The following PDE11A variants were observed in gnomAD, a reference collection of about 807,000 sequenced individuals.
The protein encoded by PDE11A is phosphodiesterase 11A.
PDE11A carries 100 observed loss-of-function variants against 100.5 expected under a neutral mutation model. The ratio of observed to expected loss-of-function variants is 1.00; its 90% confidence interval spans 0.85 to 1.18. The LOEUF (loss-of-function observed/expected upper bound fraction) is 1.18, where lower values mean the gene tolerates loss of function less well. Among genes scored for constraint, PDE11A ranks in the 50% most tolerant of loss-of-function variants. PDE11A has a pLI of 0.00. For synonymous variants in PDE11A, 381 were observed against 420.8 expected, an observed-to-expected ratio of 0.91 and a Z score of 1.16; for missense variants, 1,141 against 1,152.6, an observed-to-expected ratio of 0.99 and a Z score of 0.15.
Position 177,779,041 on chromosome 2 carries a change from A to G in PDE11A, c.1738-9668T>C, listed in dbSNP as rs1310645636. Among the ~76,000 whole-genome samples the G allele has an allele frequency of 3.3e-5, 5 of 152,316 alleles. No individual in the cohort carries two copies. The South Asian group carries it at 8.3e-4, about 25-fold the overall frequency. ...ATACAGGCATACCTCAGAGATATTG[A>G]GAGTTTGGTTCCAGACGACCTCAAT... On this transcript the variant is annotated intron_variant, in intron 9 of 19. Coordinates refer to ENST00000286063, the MANE Select transcript of PDE11A (RefSeq NM_016953.4).
chr2:177,882,641 T>C (rs1242209913), intron 4 of PDE11A, among the ~76,000 whole-genome samples: 2 of 152,128 alleles, frequency 1.3e-5, no homozygotes, highest in Admixed American at 6.5e-5. Flanking sequence ...AACAACTGGT[T>C]TCAAGCTTCC....
intron 2 of PDE11A, among the ~76,000 whole-genome samples, chr2:177,914,670 G>A (rs546114386): frequency 2.0e-5 from 3 of 152,254 alleles, no homozygotes; most frequent in Admixed American, 2.0e-4. Flanking sequence ...CTTAGTCAAG[G>A]TGTCAAGGTA....
chr2:178,051,328 G>A (rs542668255), intron 1 of PDE11A, among the ~76,000 whole-genome samples: 1 of 152,268 alleles, frequency 6.6e-6, no homozygotes, highest in Admixed American at 6.5e-5. Flanking sequence ...TCAACACCAG[G>A]CCTGCCTTAC....
In PDE11A at chr2:178,072,128, C is replaced by CG; in HGVS notation, c.309dup (p.Gly104ArgfsTer36). 1 of 1,613,706 alleles carries CG rather than the reference C, an allele frequency of 6.2e-7. No individual in the cohort carries two copies. The highest frequency in any genetic ancestry group is 1.7e-5 in the Admixed American group (1 of 60,022). On this transcript the variant is annotated frameshift_variant, in exon 1 of 20. Coordinates refer to ENST00000286063, the MANE Select transcript of PDE11A (RefSeq NM_016953.4). LOFTEE classifies it high-confidence loss of function. ...AGGTTCCCATCGCCCCTGCTGCCACCGGCCCAGCTGGGACTCAAGGGAACC... is the reference window on the plus strand; with the variant it reads ...AGGTTCCCATCGCCCCTGCTGCCACCGGGCCCAGCTGGGACTCAAGGGAACC...
At chr2:178,070,026 G>A (rs1179751847) in intron 1 of PDE11A, among the ~76,000 whole-genome samples, 1 of 152,122 alleles carries the variant, frequency 6.6e-6, no homozygotes, top group Non-Finnish European at 1.5e-5. Context: ...AGAAGAAAAT[G>A]TGTGATTGTT....
At chr2:178,030,628 C>A (rs1026704868) in intron 1 of PDE11A, among the ~76,000 whole-genome samples, 2 of 151,652 alleles carry the variant, frequency 1.3e-5, no homozygotes, top group East Asian at 1.9e-4. Flanking sequence ...GTAATCCCAA[C>A]AACTTGGGAG....
chr2:177,802,794 T>C (rs1407869814), intron 9 of PDE11A, among the ~76,000 whole-genome samples: 1 of 151,984 alleles, frequency 6.6e-6, no homozygotes, highest in Admixed American at 6.6e-5. Context: ...TTTAAGCTAA[T>C]ACATTTTGGG....
At chr2:177,963,773 TG>T (rs1431574148) in intron 2 of PDE11A, among the ~76,000 whole-genome samples, 3 of 152,218 alleles carry the variant, frequency 2.0e-5, no homozygotes, top group Admixed American at 2.0e-4. Flanking sequence ...AACTTGAGGA[TG>T]GGGCACGGTG....
At position 177,629,178 on chromosome 2, in the gene PDE11A, G is replaced by A; in HGVS notation, c.*229C>T. The A allele has an allele frequency of 1.8e-6, 1 of 568,664 alleles. No homozygotes were observed. Among genetic ancestry groups the A allele is most frequent in the Admixed American group, 3.0e-5 (1 of 33,810 alleles). 35.2% of individuals were successfully genotyped at this position (568,664 alleles called of 1,614,324 possible). On this transcript the variant is annotated 3_prime_UTR_variant, in exon 20 of 20. Coordinates refer to ENST00000286063, the MANE Select transcript of PDE11A (RefSeq NM_016953.4). ...ATTTCAGCCCATGCGTGTTCATTAG[G>A]GAAAAGTGAGGGTCCTGGGGTGTGC... is the stretch of plus-strand genomic sequence containing the variant.
At chr2:177,710,919 T>C (rs1040597219) in intron 13 of PDE11A, among the ~76,000 whole-genome samples, 1 of 152,226 alleles carries the variant, frequency 6.6e-6, no homozygotes, top group Admixed American at 6.5e-5. Flanking sequence ...AAGTTAATCT[T>C]ACCTCTTCGT....
At chr2:178,036,770 G>A (rs181031360) in intron 1 of PDE11A, among the ~76,000 whole-genome samples, 5 of 152,314 alleles carry the variant, frequency 3.3e-5, no homozygotes, top group African/African-American at 9.6e-5. Context: ...AAGCAGTGGA[G>A]AAAGGATTCC....
chr2:177,768,849 T>C (rs2082272978), intron 10 of PDE11A, among the ~76,000 whole-genome samples: 1 of 152,226 alleles, frequency 6.6e-6, no homozygotes, highest in Non-Finnish European at 1.5e-5. Context: ...TAGTATGTTT[T>C]TCACAGGATT....
intron 4 of PDE11A, among the ~76,000 whole-genome samples, chr2:177,888,075 T>C (rs2084470204): frequency 6.6e-6 from 1 of 152,094 alleles, no homozygotes; most frequent in African/African-American, 2.4e-5. Context: ...CCTGCAGGAG[T>C]CACCCAAATT....
intron 2 of PDE11A, among the ~76,000 whole-genome samples, chr2:177,992,831 G>A (rs774801668): frequency 6.6e-6 from 1 of 152,092 alleles, no homozygotes; most frequent in Non-Finnish European, 1.5e-5. Flanking sequence ...ATGTTGACTT[G>A]ATTCCAACAT....
chr2:177,882,800 G>T (rs2084365099), intron 4 of PDE11A, among the ~76,000 whole-genome samples: 1 of 152,070 alleles, frequency 6.6e-6, no homozygotes, highest in African/African-American at 2.4e-5. Flanking sequence ...GTGCTAGTTG[G>T]TCTGGCTTCT....
At chr2:177,696,999 A>T (rs140290748) in intron 15 of PDE11A, among the ~76,000 whole-genome samples, 31 of 152,358 alleles carry the variant, frequency 2.0e-4, no homozygotes, top group African/African-American at 7.5e-4. Flanking sequence ...ATGCCATTAT[A>T]CAGCTGACCA....
intron 12 of PDE11A, among the ~76,000 whole-genome samples, chr2:177,719,231 GA>G (rs2081489343): frequency 6.6e-6 from 1 of 152,146 alleles, no homozygotes; most frequent in African/African-American, 2.4e-5. Context: ...CCAACTATCG[GA>G]AGTATTGAAT....
intron 4 of PDE11A, among the ~76,000 whole-genome samples, chr2:177,896,876 A>T (rs1006881633): frequency 6.6e-6 from 1 of 152,168 alleles, no homozygotes; most frequent in African/African-American, 2.4e-5. Context: ...AGATTTATAC[A>T]ATCACAGGAT....
At chr2:177,667,113 C>T (rs2080600311) in intron 18 of PDE11A, among the ~76,000 whole-genome samples, 1 of 151,880 alleles carries the variant, frequency 6.6e-6, no homozygotes, top group African/African-American at 2.4e-5. Context: ...GAAGTTTCAC[C>T]ATGTTGGCCA....
Sources: gnomAD v4.1 joint callset for allele counts (sites outside exome capture counted in the v4.1 genomes callset) on GRCh38, gnomAD v4.1.1 for gene constraint, MANE v1.5 for transcripts, NCBI Gene and HGNC (gene_info 2026-07-23, HGNC 2026-07-21) for gene names.